Variants in HIKESHI observed in about 807,000 individuals in gnomAD.
HIKESHI encodes heat shock protein nuclear import factor hikeshi.
A neutral mutation model predicts 25.7 loss-of-function variants in HIKESHI; 13 were observed. The ratio of observed to expected loss-of-function variants is 0.51; its 90% CI spans 0.33 to 0.80. The LOEUF is 0.80. Among genes scored for constraint, HIKESHI ranks in the 30% least tolerant of loss-of-function variants. HIKESHI has a pLI of 0.02. For synonymous variants in HIKESHI, 76 were observed against 78.7 expected, an observed-to-expected ratio of 0.97 and a Z score of 0.18; for missense variants, 174 against 229.5, an observed-to-expected ratio of 0.76 and a Z score of 1.56.
At chr11:86,316,287 G>C (rs2138329999) in intron 2 of HIKESHI, among the ~76,000 whole-genome samples, 1 of 151,568 alleles carries the variant, frequency 6.6e-6, no homozygotes, top group South Asian at 2.1e-4. Flanking sequence ...AAGGTAGGTG[G>C]ATCACTTTAA....
At chr11:86,314,302 A>G (rs1238595008) in intron 2 of HIKESHI, among the ~76,000 whole-genome samples, 2 of 152,196 alleles carry the variant, frequency 1.3e-5, no homozygotes, top group Non-Finnish European at 2.9e-5. Context: ...TTAGTGTTTT[A>G]TATAGTTGGT....
chr11:86,323,380 TTAAA>T (rs1173605088), intron 2 of HIKESHI, among the ~76,000 whole-genome samples: 2 of 152,288 alleles, frequency 1.3e-5, no homozygotes, highest in South Asian at 2.1e-4. Context: ...ACATGAAAGA[TTAAA>T]TAAATACTTA....
intron 2 of HIKESHI, among the ~76,000 whole-genome samples, chr11:86,316,272 A>AG (rs1290066693): frequency 2.6e-5 from 4 of 152,126 alleles, no homozygotes; most frequent in Admixed American, 2.6e-4. Context: ...ACACTTTGGG[A>AG]GGCCAAGGTA....
chr11:86,303,374 G>A, intron 1 of HIKESHI: 1 of 980,288 alleles, frequency 1.0e-6, no homozygotes, highest in Non-Finnish European at 1.2e-6. Flanking sequence ...AAGCCAGAAA[G>A]ATAAGTTGGA....
chr11:86,327,304 T>C (rs1947306948), intron 2 of HIKESHI, among the ~76,000 whole-genome samples: 1 of 152,070 alleles, frequency 6.6e-6, no homozygotes, highest in South Asian at 2.1e-4. Context: ...TTAATAAGCC[T>C]CTGGTTTTCC....
At chr11:86,339,566 G>A (rs61904324) in intron 3 of HIKESHI, among the ~76,000 whole-genome samples, 21,079 of 152,034 alleles carry the variant, frequency 0.14, 1,656 homozygotes, top group East Asian at 0.23. Flanking sequence ...TTCTCTTCCT[G>A]CCTTTTACCT....
At chr11:86,330,211 A>G (rs770020256) in intron 2 of HIKESHI, among the ~76,000 whole-genome samples, 41 of 152,150 alleles carry the variant, frequency 2.7e-4, no homozygotes, top group Non-Finnish European at 5.1e-4. Flanking sequence ...TACAGAAATA[A>G]ATGTTTATAT....
At chr11:86,325,669 C>T (rs1026756255) in intron 2 of HIKESHI, among the ~76,000 whole-genome samples, 4 of 151,086 alleles carry the variant, frequency 2.6e-5, no homozygotes, top group African/African-American at 9.7e-5. Context: ...GTCAGGGGTT[C>T]GAGACCAGCC....
At chr11:86,329,974 T>C (rs1947380152) in intron 2 of HIKESHI, among the ~76,000 whole-genome samples, 1 of 152,242 alleles carries the variant, frequency 6.6e-6, no homozygotes, top group East Asian at 1.9e-4. Context: ...GCTTTTTAAG[T>C]AGGGTGTTTA....
chr11:86,307,547 A>AAT (rs199754967), intron 2 of HIKESHI, among the ~76,000 whole-genome samples: 3 of 94,002 alleles, frequency 3.2e-5, no homozygotes, highest in South Asian at 3.4e-4. Flanking sequence ...TTATATATCA[A>AAT]ATATATTATG....
At chr11:86,335,226 G>A (rs78256473) in intron 2 of HIKESHI, among the ~76,000 whole-genome samples, 4 of 152,112 alleles carry the variant, frequency 2.6e-5, no homozygotes, top group Non-Finnish European at 4.4e-5. Flanking sequence ...AAAAAAAGAG[G>A]TCTGCCTTTA....
intron 2 of HIKESHI, among the ~76,000 whole-genome samples, chr11:86,310,994 G>A (rs1278974217): frequency 6.6e-6 from 1 of 152,162 alleles, no homozygotes; most frequent in Non-Finnish European, 1.5e-5. Context: ...TTGCATCGAT[G>A]TTCATCAGGG....
intron 4 of HIKESHI, chr11:86,345,044 G>A: frequency 1.2e-6 from 1 of 830,842 alleles, no homozygotes; most frequent in Non-Finnish European, 1.6e-6. Context: ...ACTGCACTGT[G>A]TACATGAATG....
chr11:86,306,297 C>G lies in HIKESHI; in HGVS notation c.83C>G (p.Pro28Arg), dbSNP rs1946621368. 6.2e-7 allele frequency: 1 copy of G among 1,613,874 alleles called. No individual in the cohort carries two copies. The highest frequency in any genetic ancestry group is 8.5e-7 in the Non-Finnish European group (1 of 1,179,944). The change falls in exon 2 of 5, where the codon CCT (proline) becomes CGT (arginine). Residue 28 changes from proline (P) to arginine (R), a missense_variant. Transcript: ENST00000278483. ...GAGGATAAATTTGTTTTTGACTTAC[C>G]TGATTATGAAAGTATCAACCATGTT... ...VAEDKFVFDL[P>R]DYESINHVVV...
At chr11:86,332,804 C>T (rs1481380926) in intron 2 of HIKESHI, among the ~76,000 whole-genome samples, 1 of 152,186 alleles carries the variant, frequency 6.6e-6, no homozygotes, top group Non-Finnish European at 1.5e-5. Context: ...TATTTGAAAA[C>T]CATTCTTAGC....
chr11:86,310,024 G>A (rs1946790402), intron 2 of HIKESHI, among the ~76,000 whole-genome samples: 1 of 148,988 alleles, frequency 6.7e-6, no homozygotes, highest in African/African-American at 2.5e-5. Flanking sequence ...TGTTCTTTTG[G>A]CTTAGGATTG....
chr11:86,330,513 C>T (rs944730092), intron 2 of HIKESHI, among the ~76,000 whole-genome samples: 2 of 152,170 alleles, frequency 1.3e-5, no homozygotes, highest in African/African-American at 4.8e-5. Context: ...AGAATTTGCA[C>T]ATCCTTCAGA....
chr11:86,342,177 A>T (rs1947748269), intron 3 of HIKESHI, among the ~76,000 whole-genome samples: 1 of 151,984 alleles, frequency 6.6e-6, no homozygotes, highest in South Asian at 2.1e-4. Context: ...AATTGACTTT[A>T]TATATTTTGT....
intron 2 of HIKESHI, among the ~76,000 whole-genome samples, chr11:86,327,033 G>A (rs12290614): frequency 0.23 from 35,159 of 152,006 alleles, 4,998 homozygotes; most frequent in Non-Finnish European, 0.31. Flanking sequence ...TGAGACTGGC[G>A]TGGGTCAACA....
Sources: gnomAD v4.1 joint callset for allele counts (sites outside exome capture counted in the v4.1 genomes callset) on GRCh38, gnomAD v4.1.1 for gene constraint, MANE v1.5 for transcripts, NCBI Gene and HGNC (gene_info 2026-07-23, HGNC 2026-07-21) for gene names.